The following VCAN variants were observed in gnomAD, a reference collection of about 807,000 sequenced individuals.
VCAN encodes the protein versican core protein.
VCAN carries 44 observed loss-of-function variants against 245.5 expected under a neutral mutation model. The ratio of observed to expected loss-of-function variants is 0.18; its 90% confidence interval spans 0.14 to 0.23. The LOEUF is 0.23. VCAN is among the 10% of genes least tolerant of loss of function. The pLI, the probability that VCAN is intolerant of heterozygous loss-of-function variation, is 1.00. For synonymous variants in VCAN, 1,413 were observed against 1,437.0 expected (o/e 0.98, Z 0.38); for missense variants, 3,793 against 4,057.9 (o/e 0.93, Z 1.77).
rs1161202535 is a variant in VCAN at position 83,541,402 on chromosome 5, A to G, written c.8399A>G (p.Glu2800Gly). 1.2e-6 allele frequency: 2 copies of G among 1,614,066 alleles called. No individual in the cohort carries two copies. Among genetic ancestry groups the G allele is most frequent in the Admixed American group, 3.3e-5 (2 of 60,004 alleles). The part of the protein sequence containing the change: ...QSVTEVPDVM[E>G]GSNPPYYTDT... ...GTAACAGAGGTGCCTGATGTGATGGAAGGATCCAATCCCCCATATTACACT... is the reference window on the plus strand; with the variant it reads ...GTAACAGAGGTGCCTGATGTGATGGGAGGATCCAATCCCCCATATTACACT... The change falls in exon 8 of 15, where the codon GAA (glutamate) becomes GGA (glycine). Residue 2800 changes from glutamate (E) to glycine (G), a missense_variant. Around this residue, in one of 5 missense-constraint regions of VCAN, gnomAD observed 3,182 missense variants for 3,250.3 expected, o/e 0.98. Transcript: ENST00000265077.
chr5:83,545,288 A>G (rs1469026299), intron 8 of VCAN, among the ~76,000 whole-genome samples: 1 of 152,130 alleles, frequency 6.6e-6, no homozygotes, highest in Admixed American at 6.5e-5. Flanking sequence ...CAGATACAGT[A>G]CAAAAAATAT....
intron 13 of VCAN, among the ~76,000 whole-genome samples, chr5:83,578,753 G>A (rs1357246638): frequency 6.6e-6 from 1 of 151,842 alleles, no homozygotes; most frequent in African/African-American, 2.4e-5. Context: ...GTGGGCCTGT[G>A]GTGTAAGAAT....
chr5:83,503,660 C>A (rs1405964928), intron 5 of VCAN, among the ~76,000 whole-genome samples: 1 of 152,208 alleles, frequency 6.6e-6, no homozygotes, highest in Non-Finnish European at 1.5e-5. Context: ...GAAACATAAT[C>A]ATGTATCACA....
chr5:83,560,608 GT>G (rs1747830462), intron 12 of VCAN, among the ~76,000 whole-genome samples: 1 of 152,106 alleles, frequency 6.6e-6, no homozygotes, highest in Non-Finnish European at 1.5e-5. Flanking sequence ...TCACAACACT[GT>G]TTTCAACTAA....
At chr5:83,533,746 T>G (rs1207490876) in intron 7 of VCAN, among the ~76,000 whole-genome samples, 1 of 152,136 alleles carries the variant, frequency 6.6e-6, no homozygotes, top group Non-Finnish European at 1.5e-5. Context: ...ACATCTGAGT[T>G]GGTTTTTGGT....
chr5:83,483,515 C>G lies in VCAN; in HGVS notation c.-4C>G, dbSNP rs761025041. 2.7e-5 allele frequency: 44 copies of G among 1,612,430 alleles called. 1 individual carries two copies. Among genetic ancestry groups the G allele is most frequent in the Non-Finnish European group, 3.7e-5 (44 of 1,178,926 alleles). ...TTTGTGTTTTTCTTCATTTCTAGGC[C>G]AAGATGTTCATAAATATAAAGAGCA... On this transcript the variant is annotated splice_region_variant and 5_prime_UTR_variant, in exon 2 of 15. Coordinates refer to ENST00000265077, the MANE Select transcript of VCAN (RefSeq NM_004385.5).
chr5:83,511,232 C>G (rs1024259143), intron 5 of VCAN, among the ~76,000 whole-genome samples: 4 of 151,306 alleles, frequency 2.6e-5, no homozygotes, highest in Non-Finnish European at 5.9e-5. Flanking sequence ...ACCTCTGCCT[C>G]CCGGGTTCAA....
Position 83,520,039 on chromosome 5 carries a change from A to G in VCAN, c.1733A>G (p.Glu578Gly). 1 of 1,614,112 alleles carries G rather than the reference A, an allele frequency of 6.2e-7. No homozygotes were observed. Among genetic ancestry groups the G allele is most frequent in the Non-Finnish European group, 8.5e-7 (1 of 1,179,984 alleles). The change falls in exon 7 of 15, where the codon GAA becomes GGA. Residue 578 changes from glutamate (E) to glycine (G), a missense_variant. Around this residue, in one of 5 missense-constraint regions of VCAN, gnomAD observed 3,182 missense variants for 3,250.3 expected, o/e 0.98. Transcript: ENST00000265077. ...ESTLIFDQIPEVITVSKTSED... is the reference protein window; with the variant it reads ...ESTLIFDQIPGVITVSKTSED... ...ACCTTGATCTTTGACCAAATTCCTG[A>G]AGTCATTACGGTGTCAAAGACTTCA...
At chr5:83,548,196 C>T (rs999571874) in intron 10 of VCAN, 112 bp downstream of exon 10, 3 of 808,062 alleles carry the variant, frequency 3.7e-6, no homozygotes, top group Non-Finnish European at 6.4e-6. Flanking sequence ...CTTAGGTTTC[C>T]TTATTCAGGG....
At chr5:83,557,082 A>T (rs915764758) in intron 12 of VCAN, among the ~76,000 whole-genome samples, 2 of 152,068 alleles carry the variant, frequency 1.3e-5, no homozygotes, top group Non-Finnish European at 2.9e-5. Context: ...TGCCTGGCAG[A>T]TGCAGCCCAT....
intron 1 of VCAN, among the ~76,000 whole-genome samples, chr5:83,479,955 G>A (rs1386332888): frequency 1.3e-5 from 2 of 152,124 alleles, no homozygotes; most frequent in African/African-American, 2.4e-5. Flanking sequence ...GAGACTAAGT[G>A]GGGGCAGTAA....
rs1399103964 is a variant in VCAN at position 83,521,630 on chromosome 5, T to C, written c.3324T>C (p.Ala1108=). ...ACAGTGTGTCTTATCCACCAGGTGCTGTAACTGAGCACAAAGTGAAAACAG... is the reference window on the plus strand; with the variant it reads ...ACAGTGTGTCTTATCCACCAGGTGCCGTAACTGAGCACAAAGTGAAAACAG... ...IDHSVSYPPG[A]VTEHKVKTDE... The change falls in exon 7 of 15, where the codon GCT becomes GCC. Residue 1108 remains alanine (A), a synonymous_variant. Transcript: ENST00000265077. 2 of 1,613,814 alleles carry C rather than the reference T, an allele frequency of 1.2e-6. No homozygotes were observed. Among genetic ancestry groups the C allele is most frequent in the Non-Finnish European group, 1.7e-6 (2 of 1,180,026 alleles).
At chr5:83,496,265 G>A (rs567513974) in intron 5 of VCAN, among the ~76,000 whole-genome samples, 2 of 152,270 alleles carry the variant, frequency 1.3e-5, no homozygotes, top group African/African-American at 2.4e-5. Context: ...TCTTATAGAC[G>A]TCCTCTCCCA....
chr5:83,579,629 G>T (rs757450485), intron 13 of VCAN, among the ~76,000 whole-genome samples: 1 of 152,120 alleles, frequency 6.6e-6, no homozygotes, highest in African/African-American at 2.4e-5. Flanking sequence ...CCAAGTGAAG[G>T]TAATTAAGAA....
chr5:83,545,687 C>A (rs1311213816), intron 9 of VCAN, 37 bp downstream of exon 9: 1 of 1,469,148 alleles, frequency 6.8e-7, no homozygotes, highest in Non-Finnish European at 9.5e-7. Context: ...GCAGTTCTTT[C>A]ACAGAAGATA....
chr5:83,514,083 A>C (rs1038112660), intron 6 of VCAN, among the ~76,000 whole-genome samples: 1 of 152,226 alleles, frequency 6.6e-6, no homozygotes, highest in Non-Finnish European at 1.5e-5. Context: ...TTTAATTGAA[A>C]AATACACATG....
intron 8 of VCAN, among the ~76,000 whole-genome samples, chr5:83,542,961 G>A (rs1021412226): frequency 6.6e-6 from 1 of 152,028 alleles, no homozygotes; most frequent in Non-Finnish European, 1.5e-5. Flanking sequence ...TGATTGCCAC[G>A]AAAAGGCTAT....
intron 8 of VCAN, 42 bp downstream of exon 8, chr5:83,542,310 A>G: frequency 6.3e-7 from 1 of 1,588,178 alleles, no homozygotes; most frequent in Non-Finnish European, 8.6e-7. Context: ...AAACCTGGAA[A>G]CAGTCCCTTG....
chr5:83,522,189 A>G lies in VCAN; in HGVS notation c.3883A>G (p.Thr1295Ala). Residue 1295 changes from threonine (T) to alanine (A), a missense_variant, in exon 7 of 15, where the codon ACT becomes GCT. By Grantham distance (58) the Thr-to-Ala change is moderately conservative. Transcript: ENST00000265077. ...PPATQPTRPP[T>A]VEDKEAFGPQ... ...TGCTACACAGCCAACAAGACCACCCACTGTGGAAGACAAAGAGGCCTTTGG... is the reference window on the plus strand; with the variant it reads ...TGCTACACAGCCAACAAGACCACCCGCTGTGGAAGACAAAGAGGCCTTTGG... 2 of 1,607,132 alleles carry G rather than the reference A, an allele frequency of 1.2e-6. No homozygotes were observed. The highest frequency in any genetic ancestry group is 2.2e-5 in the East Asian group (1 of 44,868).
Sources: gnomAD v4.1 joint callset for allele counts (sites outside exome capture counted in the v4.1 genomes callset) on GRCh38, gnomAD v4.1.1 for gene constraint, gnomAD v4.1.1 regional missense constraint, MANE v1.5 for transcripts, NCBI Gene and HGNC (gene_info 2026-07-23, HGNC 2026-07-21) for gene names.